MARK1: variants seen among roughly 807,000 people sequenced by gnomAD.
MARK1 encodes serine/threonine-protein kinase MARK1.
A neutral mutation model predicts 96.3 loss-of-function variants in MARK1; 40 were observed. That is an observed-to-expected ratio of 0.42 (90% CI 0.32 to 0.54). The LOEUF is 0.54. Among genes scored for constraint, MARK1 ranks in the 20% least tolerant of loss-of-function variants. MARK1 has a pLI of 0.16. For missense variants in MARK1, 719 were observed against 984.6 expected (o/e 0.73, Z 3.61); for synonymous variants, 317 against 341.2 (o/e 0.93, Z 0.78).
At chr1:220,629,998 A>G (rs925089146) in intron 9 of MARK1, among the ~76,000 whole-genome samples, 2 of 152,130 alleles carry the variant, frequency 1.3e-5, no homozygotes, top group Admixed American at 1.3e-4. Flanking sequence ...TGGTAGTTCT[A>G]TTTTTAATTT....
intron 9 of MARK1, among the ~76,000 whole-genome samples, chr1:220,625,174 A>T (rs1442305572): frequency 1.3e-5 from 2 of 152,216 alleles, no homozygotes; most frequent in African/African-American, 4.8e-5. Context: ...GTCCTCAAGG[A>T]CTTTAAATAA....
At chr1:220,637,246 CAAAA>C (rs1223417537) in intron 13 of MARK1, among the ~76,000 whole-genome samples, 1 of 151,744 alleles carries the variant, frequency 6.6e-6, no homozygotes, top group Non-Finnish European at 1.5e-5. Flanking sequence ...GTAACATAAG[CAAAA>C]AGAGGAAAAT....
intron 13 of MARK1, among the ~76,000 whole-genome samples, chr1:220,636,837 A>G (rs1667991048): frequency 6.6e-6 from 1 of 151,298 alleles, no homozygotes; most frequent in Non-Finnish European, 1.5e-5. Context: ...CGGGAGGTGG[A>G]GCTTGCAGTG....
chr1:220,581,362 C>T (rs1664230423), intron 3 of MARK1, among the ~76,000 whole-genome samples: 1 of 152,000 alleles, frequency 6.6e-6, no homozygotes, highest in South Asian at 2.1e-4. Flanking sequence ...TAGAATAAAA[C>T]CTTGTGTCAT....
Position 220,528,669 on chromosome 1 carries a change from C to T in MARK1, c.-154C>T. On this transcript the variant is annotated 5_prime_UTR_variant, in exon 1 of 18. Transcript: ENST00000366917. ...CCTCCGCGTCCTCTTCCCTCTTTCC[C>T]CCGCCGGGGCCGCTTGTTGCACCGC... The T allele has an allele frequency of 3.5e-6, 2 of 579,502 alleles. No individual in the cohort carries two copies. Among genetic ancestry groups the T allele is most frequent in the Non-Finnish European group, 5.8e-6 (2 of 345,478 alleles). 35.9% of individuals were successfully genotyped at this position (579,502 alleles called of 1,614,324 possible). A position where few individuals can be genotyped will look rare whatever the true frequency, so the allele number is the denominator to read the frequency against.
chr1:220,572,534 C>T (rs547715261), intron 1 of MARK1, among the ~76,000 whole-genome samples: 111 of 152,288 alleles, frequency 7.3e-4, no homozygotes, highest in Non-Finnish European at 1.1e-3. Flanking sequence ...TGAGCCACCG[C>T]GCCTGGTGGT....
At chr1:220,595,581 G>A (rs1665283085) in intron 3 of MARK1, among the ~76,000 whole-genome samples, 1 of 152,196 alleles carries the variant, frequency 6.6e-6, no homozygotes, top group Admixed American at 6.5e-5. Context: ...CATGAGATAA[G>A]GCTAGAGAGG....
intron 1 of MARK1, among the ~76,000 whole-genome samples, chr1:220,557,111 C>A (rs2786608): frequency 6.6e-6 from 1 of 152,124 alleles, no homozygotes; most frequent in African/African-American, 2.4e-5. Flanking sequence ...GGCAAACTCA[C>A]AATAGAAAGA....
At chr1:220,545,814 G>T (rs562701417) in intron 1 of MARK1, among the ~76,000 whole-genome samples, 1 of 152,094 alleles carries the variant, frequency 6.6e-6, no homozygotes, top group Non-Finnish European at 1.5e-5. Flanking sequence ...AAGGGGAGAC[G>T]CCAGTGCTAG....
chr1:220,587,981 G>A (rs1471243907), intron 3 of MARK1, among the ~76,000 whole-genome samples: 1 of 152,106 alleles, frequency 6.6e-6, no homozygotes, highest in Non-Finnish European at 1.5e-5. Context: ...CTCCAGTGTA[G>A]TTGTACCGAT....
chr1:220,600,637 A>T (rs1249770146), intron 5 of MARK1, among the ~76,000 whole-genome samples: 3 of 152,164 alleles, frequency 2.0e-5, no homozygotes, highest in Non-Finnish European at 4.4e-5. Flanking sequence ...AATAAAGAAT[A>T]CTTAAAGGGA....
chr1:220,542,676 A>T (rs1276104134), intron 1 of MARK1, among the ~76,000 whole-genome samples: 1 of 152,220 alleles, frequency 6.6e-6, no homozygotes, highest in East Asian at 1.9e-4. Flanking sequence ...TTTTGTGGTT[A>T]ACTTTTAGCT....
chr1:220,644,456 C>CA (rs967953103), intron 13 of MARK1, among the ~76,000 whole-genome samples: 2 of 144,714 alleles, frequency 1.4e-5, no homozygotes, highest in South Asian at 2.4e-4. Context: ...TAGACCCCCC[C>CA]CCCCCCACAC....
At chr1:220,646,116 A>C (rs1317165663) in intron 13 of MARK1, among the ~76,000 whole-genome samples, 1 of 152,164 alleles carries the variant, frequency 6.6e-6, no homozygotes, top group Non-Finnish European at 1.5e-5. Context: ...AGGAAGTCAA[A>C]TTGTCTTGGT....
chr1:220,539,748 A>G (rs1412034067), intron 1 of MARK1, among the ~76,000 whole-genome samples: 1 of 150,854 alleles, frequency 6.6e-6, no homozygotes, highest in Non-Finnish European at 1.5e-5. Context: ...GATCCTTCTA[A>G]TGTGCCGTTG....
chr1:220,598,657 A>AT (rs200480811), intron 4 of MARK1, among the ~76,000 whole-genome samples: 86 of 151,682 alleles, frequency 5.7e-4, no homozygotes, highest in Middle Eastern at 3.4e-3. Flanking sequence ...AATGCATACA[A>AT]TTTTTTTTAA....
chr1:220,629,203 T>G (rs1359240440), intron 9 of MARK1, among the ~76,000 whole-genome samples: 1 of 152,132 alleles, frequency 6.6e-6, no homozygotes, highest in Non-Finnish European at 1.5e-5. Context: ...AAAAAGCAAT[T>G]AATATATCAG....
intron 3 of MARK1, among the ~76,000 whole-genome samples, chr1:220,582,611 C>T (rs1235753403): frequency 6.6e-6 from 1 of 152,166 alleles, no homozygotes; most frequent in Non-Finnish European, 1.5e-5. Context: ...TCTAGAACTA[C>T]TCAGGCCTGT....
intron 1 of MARK1, among the ~76,000 whole-genome samples, chr1:220,564,296 C>A (rs1274211580): frequency 6.6e-6 from 1 of 152,104 alleles, no homozygotes; most frequent in Admixed American, 6.5e-5. Flanking sequence ...AGGTACTGCA[C>A]TGGGGAAGCC....
Sources: allele counts gnomAD v4.1 joint callset (sites outside exome capture counted in the v4.1 genomes callset), GRCh38; gene constraint gnomAD v4.1.1; transcripts MANE v1.5; gene names NCBI Gene and HGNC (gene_info 2026-07-23, HGNC 2026-07-21).